The following MACF1 variants were observed in gnomAD, a reference collection of about 807,000 sequenced individuals.
MACF1 encodes the protein microtubule actin crosslinking factor 1.
In MACF1, 193 loss-of-function variants were observed where a neutral mutation model predicts 854.8. The observed-to-expected ratio is 0.23, with a 90% confidence interval of 0.20 to 0.25. The LOEUF (loss-of-function observed/expected upper bound fraction) is 0.25, where lower values mean the gene tolerates loss of function less well. MACF1 is among the 10% of genes least tolerant of loss of function. The pLI, the probability that MACF1 is intolerant of heterozygous loss-of-function variation, is 1.00. For synonymous variants in MACF1, 3,185 were observed against 3,226.7 expected, an observed-to-expected ratio of 0.99 and a Z score of 0.44; for missense variants, 7,722 against 8,929.1, an observed-to-expected ratio of 0.86 and a Z score of 5.45.
Position 39,349,235 on chromosome 1 carries a change from A to G in MACF1, c.10816-243A>G, listed in dbSNP as rs111471375. ...AGTCTGGTGAAGGAGCTCTCAAACC[A>G]AAACCTGAACTAGAAACATTCTCAT... On this transcript the variant is annotated intron_variant, in intron 41 of 100. Transcript: ENST00000564288. 5.2e-3 allele frequency among the ~76,000 whole-genome samples: 792 copies of G among 152,272 alleles called. 6 individuals are homozygous for G. The highest frequency in any genetic ancestry group is 0.018 in the African/African-American group (733 of 41,550).
At chr1:39,450,117 G>A (rs950847956) in intron 84 of MACF1, among the ~76,000 whole-genome samples, 13 of 150,824 alleles carry the variant, frequency 8.6e-5, no homozygotes, top group African/African-American at 2.4e-4. Flanking sequence ...CTGCCTCGGC[G>A]TCCCAAAGTG....
rs776217751 is a variant in MACF1, at chr1:39,388,598, C to T, written c.15756C>T (p.Ala5252=). The change falls in exon 58 of 101, where the codon GCC becomes GCT. Residue 5252 remains alanine (A), a synonymous_variant. Coordinates refer to ENST00000564288, the MANE Select transcript of MACF1 (RefSeq NM_001394062.1). The part of the protein sequence containing the change: ...DATTAAEEAE[A]LQWVVGTEVE... ...CCACAGCAGCAGAGGAGGCAGAGGC[C>T]CTCCAGTGGGTAGTGGGGACCGAAG... The T allele has an allele frequency of 1.9e-6, 3 of 1,612,950 alleles. No homozygotes were observed. The highest frequency in any genetic ancestry group is 2.5e-6 in the Non-Finnish European group (3 of 1,179,698).
In MACF1 at chr1:39,335,883, A is replaced by G. The variant is rs923252519; in HGVS notation, c.9295A>G (p.Ser3099Gly). 3 of 1,614,018 alleles carry G rather than the reference A, an allele frequency of 1.9e-6. No individual in the cohort carries two copies. Among genetic ancestry groups the G allele is most frequent in the Non-Finnish European group, 2.5e-6 (3 of 1,180,022 alleles). ...TCGAGAAATTGCCTGTGGGGCCCAG[A>G]GTGAACCATTCCCTTGTATGACCCC... ...LSREIACGAQ[S>G]EPFPCMTPRP... The change falls in exon 37 of 101, where the codon AGT (serine) becomes GGT (glycine). Residue 3099 changes from serine to glycine, a missense_variant. Coordinates refer to ENST00000564288, the MANE Select transcript of MACF1 (RefSeq NM_001394062.1).
rs1356339345 is a variant in MACF1 at position 39,360,889 on chromosome 1, A to G, written c.12341A>G (p.Glu4114Gly). Residue 4114 changes from glutamate to glycine, a missense_variant, in exon 48 of 101, where the codon GAA becomes GGA. Physicochemically the swap from Glu to Gly is moderately conservative, Grantham distance 98 (BLOSUM62 -2). Coordinates refer to ENST00000564288, the MANE Select transcript of MACF1 (RefSeq NM_001394062.1). ...KAIAQSQSVQ[E>G]SLESLLQSIG... is the part of the protein sequence containing the mutation. ...ATTGCCCAATCTCAGAGTGTCCAGG[A>G]AAGCCTGGAGAGCCTGTTGCAGTCT... 6.2e-7 allele frequency: 1 copy of G among 1,613,936 alleles called. No individual in the cohort carries two copies. Among genetic ancestry groups the G allele is most frequent in the East Asian group, 2.2e-5 (1 of 44,866 alleles).
At chr1:39,359,523 T>A (rs534359789) in intron 47 of MACF1, among the ~76,000 whole-genome samples, 6 of 152,340 alleles carry the variant, frequency 3.9e-5, no homozygotes, top group African/African-American at 1.2e-4. Context: ...TACTTTTCTT[T>A]CCCAAGTAAA....
chr1:39,318,256 CTACTCACTTTTT>C (rs1363913332), intron 29 of MACF1, among the ~76,000 whole-genome samples, 185 bp from the exon 30 acceptor site: 2 of 152,170 alleles, frequency 1.3e-5, no homozygotes, highest in Non-Finnish European at 2.9e-5. Context: ...CAACTGGTTT[CTACTCACTTTTT>C]TGACCATAGG....
chr1:39,227,318 T>C (rs1346280049), intron 1 of MACF1, among the ~76,000 whole-genome samples: 2 of 152,186 alleles, frequency 1.3e-5, no homozygotes, highest in African/African-American at 4.8e-5. Flanking sequence ...ACTTGGCCAA[T>C]TGAGAACGCT....
At chr1:39,201,845 T>TA (rs1644393095), upstream of MACF1, among the ~76,000 whole-genome samples, 2 of 151,960 alleles carry the variant, frequency 1.3e-5, no homozygotes, top group African/African-American at 4.8e-5. Context: ...CCATTCTAGG[T>TA]TCTTTGGTGT....
chr1:39,324,429 G>T (rs774931135), intron 34 of MACF1, 84 bp downstream of exon 34: 3 of 1,498,254 alleles, frequency 2.0e-6, no homozygotes, highest in Non-Finnish European at 2.7e-6. Flanking sequence ...TCACATGTGG[G>T]CCATTCCAGA....
intron 2 of MACF1, among the ~76,000 whole-genome samples, chr1:39,177,834 T>TA (rs1644051225): frequency 6.6e-6 from 1 of 152,186 alleles, no homozygotes; most frequent in Non-Finnish European, 1.5e-5. Flanking sequence ...CAGTGACTCT[T>TA]AAGTTTTAAG....
chr1:39,424,046 G>C lies in MACF1; in HGVS notation c.16168G>C (p.Asp5390His), dbSNP rs758568485. 10 of 1,611,502 alleles carry C rather than the reference G, an allele frequency of 6.2e-6. No homozygotes were observed. The highest frequency in any genetic ancestry group is 2.7e-5 in the African/African-American group (2 of 74,050). The change falls in exon 61 of 101, where the codon GAT (aspartate) becomes CAT (histidine). Residue 5390 changes from aspartate (D) to histidine (H), a missense_variant. By Grantham distance (81) the Asp-to-His change is moderately conservative. Around this residue, in one of 15 missense-constraint regions of MACF1, gnomAD observed 2,807 missense variants for 3,235.8 expected, o/e 0.87. Transcript: ENST00000564288. Reference sequence around the variant, plus strand: ...ATAATAGTTGCTCCAGCGGCTCCTAGATGATCGAAAGGCCACAGTAGACAT... The same window carrying C: ...ATAATAGTTGCTCCAGCGGCTCCTACATGATCGAAAGGCCACAGTAGACAT... ...QEQKLLQRLL[D>H]DRKATVDMLQ... is the part of the protein sequence containing the mutation.
chr1:39,243,286 A>G (rs1157312775), intron 2 of MACF1, among the ~76,000 whole-genome samples: 1 of 152,234 alleles, frequency 6.6e-6, no homozygotes, highest in Non-Finnish European at 1.5e-5. Context: ...GCAAACAGGC[A>G]AGGCCCTGAA....
rs72924832 is a variant in MACF1, at chr1:39,192,278, C to G, written c.221-38904C>G. ...TACTCACCAGGCACACATAGTGGCC[C>G]TGACTGCTGGCAAGTAGTCTGGGCT... On this transcript the variant is annotated intron_variant, in intron 2 of 93. Transcript: ENST00000361689. Among the ~76,000 whole-genome samples the G allele has an allele frequency of 1.6e-3, 242 of 152,318 alleles. 1 individual carries two copies. Among genetic ancestry groups the G allele is most frequent in the African/African-American group, 5.6e-3 (231 of 41,562 alleles).
At chr1:39,164,839 C>G (rs1457155371) in intron 2 of MACF1, among the ~76,000 whole-genome samples, 1 of 152,206 alleles carries the variant, frequency 6.6e-6, no homozygotes, top group African/African-American at 2.4e-5. Context: ...CACACCCCTG[C>G]TTTGGTAGAT....
rs554539093 is a variant in MACF1 at position 39,263,639 on chromosome 1, T to G, written c.528+5611T>G. ...TTATCCTAAAGTTGATGTGTATCATTCCCATACATGCTTTTGTACATTTAC... is the reference window on the plus strand; with the variant it reads ...TTATCCTAAAGTTGATGTGTATCATGCCCATACATGCTTTTGTACATTTAC... On this transcript the variant is annotated intron_variant, in intron 6 of 100. Coordinates refer to ENST00000564288, the MANE Select transcript of MACF1 (RefSeq NM_001394062.1). Among the ~76,000 whole-genome samples the G allele has an allele frequency of 2.0e-5, 3 of 152,306 alleles. No individual in the cohort carries two copies. The South Asian group carries it at 6.2e-4, about 32-fold the overall frequency.
At chr1:39,100,516 GC>G in intron 2 of MACF1, among the ~76,000 whole-genome samples, 1 of 152,314 alleles carries the variant, frequency 6.6e-6, no homozygotes, top group Middle Eastern at 3.4e-3. Context: ...GTCACAGACA[GC>G]CAAGTATTTT....
At chr1:39,385,299 C>T (rs1650602650) in intron 56 of MACF1, 135 bp from the exon 57 acceptor site, 2 of 923,520 alleles carry the variant, frequency 2.2e-6, no homozygotes, top group South Asian at 1.7e-5. Flanking sequence ...AACTCCTGAC[C>T]TCAAGTGATC....
intron 2 of MACF1, among the ~76,000 whole-genome samples, chr1:39,249,540 A>G (rs1645017443): frequency 6.6e-6 from 1 of 152,214 alleles, no homozygotes; most frequent in Non-Finnish European, 1.5e-5. Flanking sequence ...ATTCGCTATT[A>G]GAAATATTTG....
chr1:39,384,219 C>T (rs1356032221), intron 56 of MACF1, among the ~76,000 whole-genome samples: 1 of 152,072 alleles, frequency 6.6e-6, no homozygotes, highest in African/African-American at 2.4e-5. Flanking sequence ...TCATCCCCAG[C>T]GGAATTAGCC....
Sources: allele counts gnomAD v4.1 joint callset (sites outside exome capture counted in the v4.1 genomes callset), GRCh38; gene constraint gnomAD v4.1.1; regional missense constraint gnomAD v4.1.1; transcripts MANE v1.5; gene names NCBI Gene and HGNC (gene_info 2026-07-23, HGNC 2026-07-21).